The following ELF4 variants were observed in gnomAD, a reference collection of about 807,000 sequenced individuals.
The protein encoded by ELF4 is E74 like ETS transcription factor 4, also known as ETS-related transcription factor Elf-4.
A neutral mutation model predicts 31.7 loss-of-function variants in ELF4; 10 were observed. That is an observed-to-expected ratio of 0.32 (90% confidence interval 0.19 to 0.54). ELF4 has a LOEUF of 0.54. Among genes scored for constraint, ELF4 ranks in the 20% least tolerant of loss-of-function variants. The pLI, the probability that ELF4 is intolerant of heterozygous loss-of-function variation, is 0.95. For missense variants in ELF4, 418 were observed against 522.0 expected (o/e 0.80, Z 1.94); for synonymous variants, 208 against 226.7 (o/e 0.92, Z 0.74).
intron 1 of ELF4, among the ~76,000 whole-genome samples, chrX:130,099,342 G>A (rs898886360): frequency 8.9e-6 from 1 of 112,061 alleles, no homozygotes; most frequent in East Asian, 2.8e-4. Context: ...GGGAGGCAGA[G>A]GCGGGTGGAT....
chrX:130,063,972 T>TTA lies in ELF4; in HGVS notation c.*2748_*2749insTA, dbSNP rs1556172026. ...TGACGGCCTTTTTGTTTGCTTGATT[T>TTA]TTATTATTATTATTATTATTATTAT... is the stretch of plus-strand genomic sequence containing the variant. On this transcript the variant is annotated 3_prime_UTR_variant, in exon 9 of 9. Transcript: ENST00000308167. 1.1e-5 allele frequency among the ~76,000 whole-genome samples: 1 copy of TTA among 93,325 alleles called. No homozygotes were observed. The highest frequency in any genetic ancestry group is 2.1e-5 in the Non-Finnish European group (1 of 47,854). The allele number at this position is 93,325 out of a possible 115,157, so 81.0% of individuals were successfully genotyped here. A position where few individuals can be genotyped will look rare whatever the true frequency, so the allele number is the denominator to read the frequency against.
intron 1 of ELF4, among the ~76,000 whole-genome samples, chrX:130,094,460 G>A (rs1295439115): frequency 7.4e-5 from 8 of 108,469 alleles, no homozygotes. Context: ...CCAGCTACTC[G>A]GGAGGCTAAG....
In ELF4 at chrX:130,066,806, C is replaced by G; in HGVS notation, c.1907G>C (p.Ser636Thr). ...TGGGGTGGGGGATCTTGTCAGAAGG[C>G]TCCCAGATGTGGTCACACTAGGCTC... Reference protein sequence around the residue: ...MAEPSVTTSGSLLTRSPTPAP... With the variant: ...MAEPSVTTSGTLLTRSPTPAP... Residue 636 changes from serine to threonine, a missense_variant, in exon 9 of 9, where the codon AGC becomes ACC. Ser to Thr is a moderately conservative substitution (Grantham distance 58). Transcript: ENST00000308167. The G allele has an allele frequency of 1.7e-6, 2 of 1,208,793 alleles. No homozygotes were observed. The highest frequency in any genetic ancestry group is 2.2e-6 in the Non-Finnish European group (2 of 893,778).
At chrX:130,076,694 G>A (rs1172563041) in intron 2 of ELF4, among the ~76,000 whole-genome samples, 1 of 112,301 alleles carries the variant, frequency 8.9e-6, no homozygotes, top group Non-Finnish European at 1.9e-5. Context: ...GCCTCCCAAA[G>A]TGCTGAGATT....
Position 130,063,961 on chromosome X carries a change from TTTGC to T in ELF4, c.*2756_*2759del, listed in dbSNP as rs1278209066. On this transcript the variant is annotated 3_prime_UTR_variant, in exon 9 of 9. Transcript: ENST00000308167. ...TAGGCAAGTCGTGACGGCCTTTTTG[TTTGC>T]TTGATTTTTATTATTATTATTATTA... 1.1e-5 allele frequency among the ~76,000 whole-genome samples: 1 copy of T among 89,314 alleles called. No homozygotes were observed. Among genetic ancestry groups the T allele is most frequent in the Admixed American group, 1.3e-4 (1 of 7,729 alleles). The allele number at this position is 89,314 out of a possible 115,157, so 77.6% of individuals were successfully genotyped here. A position where few individuals can be genotyped will look rare whatever the true frequency, so the allele number is the denominator to read the frequency against.
rs781433466 is a variant in ELF4, at chrX:130,065,187, A to G, written c.*1534T>C. 1.0e-4 allele frequency: 18 copies of G among 173,591 alleles called. No homozygotes were observed. Among genetic ancestry groups the G allele is most frequent in the African/African-American group, 5.3e-4 (18 of 33,869 alleles). The allele number at this position is 173,591 out of a possible 1,213,427, so 14.3% of individuals were successfully genotyped here. A position where few individuals can be genotyped will look rare whatever the true frequency, so the allele number is the denominator to read the frequency against. On this transcript the variant is annotated 3_prime_UTR_variant, in exon 9 of 9. Transcript: ENST00000308167. ...TCAGGCACTGATTCACATTACCCAA[A>G]GTCACCAGATAATAGAGTTGTTTCC... is the stretch of plus-strand genomic sequence containing the variant.
At chrX:130,102,104 C>T (rs996700774) in intron 1 of ELF4, among the ~76,000 whole-genome samples, 3 of 111,997 alleles carry the variant, frequency 2.7e-5, no homozygotes, top group Non-Finnish European at 3.8e-5. Context: ...TGAGATCGCA[C>T]GACTGGCACT....
chrX:130,097,641 T>C (rs1009739050), intron 1 of ELF4, among the ~76,000 whole-genome samples: 1 of 112,207 alleles, frequency 8.9e-6, no homozygotes, highest in Non-Finnish European at 1.9e-5. Flanking sequence ...ACAATCCTTC[T>C]GTTGACTGTC....
chrX:130,071,289 G>C (rs753820205), intron 6 of ELF4, 47 bp downstream of exon 6: 2 of 1,210,911 alleles, frequency 1.7e-6, no homozygotes, highest in South Asian at 3.5e-5. Context: ...CCTGGCAGCA[G>C]GGAAGGGGCT....
At chrX:130,104,941 C>A (rs1933349799) in intron 1 of ELF4, among the ~76,000 whole-genome samples, 1 of 110,440 alleles carries the variant, frequency 9.1e-6, no homozygotes, top group South Asian at 3.9e-4. Flanking sequence ...GGTGGATCAC[C>A]TGAGGTCAGG....
In ELF4 at chrX:130,066,671, A is replaced by G; in HGVS notation, c.*50T>C. 8.6e-7 allele frequency: 1 copy of G among 1,165,445 alleles called. No individual in the cohort carries two copies. ...TGCTACTGAAGTCGGTCCCTATGAA[A>G]ATGCTGCTCAATTTTGCCTGGTGGG... is the stretch of plus-strand genomic sequence containing the variant. On this transcript the variant is annotated 3_prime_UTR_variant, in exon 9 of 9. Transcript: ENST00000308167.
chrX:130,102,481 A>G (rs920556757), intron 1 of ELF4, among the ~76,000 whole-genome samples: 1 of 111,181 alleles, frequency 9.0e-6, no homozygotes, highest in Non-Finnish European at 1.9e-5. Context: ...TTTTTCAAAA[A>G]TAGTGCTAGA....
chrX:130,078,806 C>A (rs776268178), intron 2 of ELF4, among the ~76,000 whole-genome samples: 1 of 100,366 alleles, frequency 1.0e-5, no homozygotes, highest in Non-Finnish European at 2.0e-5. Context: ...CACACACACA[C>A]AATTAGCCAG....
chrX:130,076,114 C>A (rs1243813647), intron 2 of ELF4, among the ~76,000 whole-genome samples: 1 of 111,741 alleles, frequency 8.9e-6, no homozygotes, highest in Non-Finnish European at 1.9e-5. Flanking sequence ...CGTTCAATCC[C>A]TTGGAGTAGA....
At position 130,066,449 on chromosome X, in the gene ELF4, T is replaced by C. The variant is rs187762162; in HGVS notation, c.*272A>G. The C allele has an allele frequency of 5.3e-6, 2 of 376,657 alleles. No homozygotes were observed. Among genetic ancestry groups the C allele is most frequent in the African/African-American group, 2.5e-5 (1 of 39,703 alleles). 31.0% of individuals were successfully genotyped at this position (376,657 alleles called of 1,213,427 possible). On this transcript the variant is annotated 3_prime_UTR_variant, in exon 9 of 9. Transcript: ENST00000308167. ...CAAACCCTGGCCACAAACTTCTGCC[T>C]GGCTCAAGGCTTTTTCCCTCCATCA... is the stretch of plus-strand genomic sequence containing the variant.
intron 5 of ELF4, 115 bp downstream of exon 5, chrX:130,072,111 C>A: frequency 1.1e-6 from 1 of 943,532 alleles, no homozygotes; most frequent in South Asian, 2.1e-5. Context: ...GCCTTTTGGT[C>A]CATCTCTGTC....
chrX:130,080,494 G>A (rs914048381), intron 2 of ELF4, among the ~76,000 whole-genome samples: 2 of 109,661 alleles, frequency 1.8e-5, no homozygotes, highest in African/African-American at 3.3e-5. Context: ...AACTGGGATC[G>A]GAACCCAGGG....
rs936058491 is a variant in ELF4 at position 130,066,604 on chromosome X, G to A, written c.*117C>T. 1.1e-5 allele frequency: 9 copies of A among 803,194 alleles called. No homozygotes were observed. Among genetic ancestry groups the A allele is most frequent in the Non-Finnish European group, 1.5e-5 (8 of 542,634 alleles). The allele number at this position is 803,194 out of a possible 1,213,427, so 66.2% of individuals were successfully genotyped here. A position where few individuals can be genotyped will look rare whatever the true frequency, so the allele number is the denominator to read the frequency against. Reference sequence around the variant, plus strand: ...CACCAGGCAGGGCCGGGGGACTTGGGGTCAAGTGTATTGACATCCCACTGA... The same window carrying A: ...CACCAGGCAGGGCCGGGGGACTTGGAGTCAAGTGTATTGACATCCCACTGA... On this transcript the variant is annotated 3_prime_UTR_variant, in exon 9 of 9. Coordinates refer to ENST00000308167, the MANE Select transcript of ELF4 (RefSeq NM_001421.4).
intron 2 of ELF4, among the ~76,000 whole-genome samples, chrX:130,076,145 T>G (rs773530598): frequency 9.0e-6 from 1 of 111,484 alleles, no homozygotes; most frequent in Non-Finnish European, 1.9e-5. Context: ...GAGATGAGAA[T>G]TCAACCCCTA....
Sources: allele counts gnomAD v4.1 joint callset (sites outside exome capture counted in the v4.1 genomes callset), GRCh38; gene constraint gnomAD v4.1.1; transcripts MANE v1.5; gene names NCBI Gene and HGNC (gene_info 2026-07-23, HGNC 2026-07-21).